Variants in IGF2BP3 observed in about 807,000 individuals in gnomAD.
IGF2BP3 encodes the protein insulin like growth factor 2 mRNA binding protein 3.
IGF2BP3 carries 9 observed loss-of-function variants against 73.8 expected under a neutral mutation model. That is an observed-to-expected ratio of 0.12 (90% CI 0.07 to 0.21). IGF2BP3 has a LOEUF of 0.21. Ranked by LOEUF, IGF2BP3 falls within the 10% of genes least tolerant of loss-of-function variation. The pLI, the probability that IGF2BP3 is intolerant of heterozygous loss-of-function variation, is 1.00. For missense variants in IGF2BP3, 542 were observed against 714.0 expected (o/e 0.76, Z 2.75); for synonymous variants, 258 against 256.7 (o/e 1.01, Z -0.05).
intron 6 of IGF2BP3, among the ~76,000 whole-genome samples, chr7:23,348,474 C>A (rs1482641849): frequency 6.6e-6 from 1 of 152,180 alleles, no homozygotes; most frequent in African/African-American, 2.4e-5. Flanking sequence ...AACTGGTCAG[C>A]AAAATGCTGA....
At chr7:23,428,919 C>CTTT in intron 2 of IGF2BP3, among the ~76,000 whole-genome samples, 1 of 152,138 alleles carries the variant, frequency 6.6e-6, no homozygotes, top group East Asian at 1.9e-4. Context: ...GCCAGCAAAA[C>CTTT]GGCTTCTTCA....
At chr7:23,389,828 TAAAAAAAAAAAA>T (rs748999337) in intron 3 of IGF2BP3, among the ~76,000 whole-genome samples, 6 of 108,414 alleles carry the variant, frequency 5.5e-5, no homozygotes, top group African/African-American at 2.0e-4. Context: ...ATCCCTTCTG[TAAAAAAAAAAAA>T]AAAAAAAAAA....
intron 3 of IGF2BP3, among the ~76,000 whole-genome samples, chr7:23,412,734 G>C (rs1787063328): frequency 6.6e-6 from 1 of 151,228 alleles, no homozygotes; most frequent in African/African-American, 2.4e-5. Context: ...CCCCAGCTTT[G>C]GGCATTTTTT....
chr7:23,352,608 T>C (rs1326388419), intron 5 of IGF2BP3, among the ~76,000 whole-genome samples: 1 of 152,126 alleles, frequency 6.6e-6, no homozygotes, highest in African/African-American at 2.4e-5. Flanking sequence ...TCTTGATCTT[T>C]ATTTTAACAT....
intron 10 of IGF2BP3, among the ~76,000 whole-genome samples, chr7:23,323,194 A>C (rs1784205961): frequency 6.6e-6 from 1 of 152,170 alleles, no homozygotes; most frequent in Admixed American, 6.5e-5. Flanking sequence ...GCAGACACAC[A>C]CATAGGCTCA....
intron 10 of IGF2BP3, among the ~76,000 whole-genome samples, chr7:23,337,872 T>C (rs1327254977): frequency 6.6e-6 from 1 of 152,078 alleles, no homozygotes; most frequent in East Asian, 1.9e-4. Context: ...ACAGACCCAA[T>C]AGTTGGAGCT....
intron 3 of IGF2BP3, among the ~76,000 whole-genome samples, chr7:23,383,396 T>C (rs527788349): frequency 1.1e-4 from 16 of 152,192 alleles, no homozygotes; most frequent in Non-Finnish European, 1.3e-4. Context: ...TTGATATCAT[T>C]AGTCATCAGG....
chr7:23,434,838 A>G (rs984312669), intron 2 of IGF2BP3, among the ~76,000 whole-genome samples: 1 of 152,166 alleles, frequency 6.6e-6, no homozygotes, highest in Non-Finnish European at 1.5e-5. Context: ...TTAAAAAAAA[A>G]CTTTCACTTA....
intron 2 of IGF2BP3, among the ~76,000 whole-genome samples, chr7:23,428,664 A>C (rs1787587420): frequency 2.0e-5 from 3 of 150,642 alleles, no homozygotes; most frequent in Admixed American, 2.0e-4. Context: ...AGCTATGACT[A>C]TGCTACTGCA....
At chr7:23,345,048 T>C (rs1784797489) in intron 8 of IGF2BP3, among the ~76,000 whole-genome samples, 1 of 152,234 alleles carries the variant, frequency 6.6e-6, no homozygotes, top group Non-Finnish European at 1.5e-5. Flanking sequence ...TTTCCCCCTT[T>C]CTTTACAACC....
intron 10 of IGF2BP3, among the ~76,000 whole-genome samples, chr7:23,323,317 CAAAG>C (rs1784209027): frequency 1.4e-5 from 2 of 146,188 alleles, no homozygotes; most frequent in Admixed American, 1.3e-4. Flanking sequence ...TCAAAAGAGA[CAAAG>C]AAGGCCATTA....
chr7:23,415,525 C>T (rs1386478431), intron 3 of IGF2BP3: 1 of 269,274 alleles, frequency 3.7e-6, no homozygotes. Context: ...ATCCGCAGGT[C>T]CCGTCCGTCA....
intron 2 of IGF2BP3, among the ~76,000 whole-genome samples, chr7:23,444,670 G>A (rs2128546305): frequency 6.6e-6 from 1 of 151,456 alleles, no homozygotes; most frequent in Non-Finnish European, 1.5e-5. Context: ...TTGAACCTGG[G>A]AGGTGGAGGG....
chr7:23,381,358 A>G (rs1246055910), intron 3 of IGF2BP3, among the ~76,000 whole-genome samples: 1 of 152,228 alleles, frequency 6.6e-6, no homozygotes, highest in Non-Finnish European at 1.5e-5. Context: ...ACGTGACTCT[A>G]AAGTCAGTGC....
chr7:23,366,915 T>C (rs938030421), intron 3 of IGF2BP3, among the ~76,000 whole-genome samples: 23 of 152,042 alleles, frequency 1.5e-4, no homozygotes, highest in African/African-American at 5.3e-4. Flanking sequence ...TATCAAATGG[T>C]ATCATGCCAC....
At chr7:23,387,074 A>AAAAG (rs564650541) in intron 3 of IGF2BP3, among the ~76,000 whole-genome samples, 31 of 151,698 alleles carry the variant, frequency 2.0e-4, no homozygotes, top group African/African-American at 6.8e-4. Context: ...AAAAAAAAAA[A>AAAAG]AAAGAAAGAA....
chr7:23,446,850 T>C (rs1404807617), intron 2 of IGF2BP3, among the ~76,000 whole-genome samples: 1 of 152,166 alleles, frequency 6.6e-6, no homozygotes, highest in South Asian at 2.1e-4. Flanking sequence ...ACAAACACCA[T>C]GTGCCTCTAG....
chr7:23,354,727 A>G (rs1014585991), intron 5 of IGF2BP3, among the ~76,000 whole-genome samples: 2 of 152,202 alleles, frequency 1.3e-5, no homozygotes, highest in Non-Finnish European at 2.9e-5. Context: ...CTCACTGAAG[A>G]GGTCAGGTGG....
intron 3 of IGF2BP3, among the ~76,000 whole-genome samples, chr7:23,406,281 T>C (rs1445237285): frequency 6.6e-6 from 1 of 152,108 alleles, no homozygotes; most frequent in Non-Finnish European, 1.5e-5. Context: ...ACGCAAGGTA[T>C]CTAAGGTCCT....
Sources: allele counts gnomAD v4.1 joint callset (sites outside exome capture counted in the v4.1 genomes callset), GRCh38; gene constraint gnomAD v4.1.1; transcripts MANE v1.5; gene names NCBI Gene and HGNC (gene_info 2026-07-23, HGNC 2026-07-21).